MRTFA: variants seen among roughly 807,000 people sequenced by gnomAD.
MRTFA encodes the protein myocardin related transcription factor A.
Under a neutral mutation model 83.5 loss-of-function variants are expected in MRTFA, and 20 were observed. That is an observed-to-expected ratio of 0.24 (90% CI 0.17 to 0.35). The LOEUF (loss-of-function observed/expected upper bound fraction) is 0.35. Among genes scored for constraint, MRTFA ranks in the 10% least tolerant of loss-of-function variants. MRTFA has a pLI of 1.00. For missense variants in MRTFA, 1,200 were observed against 1,224.7 expected, an observed-to-expected ratio of 0.98 and a Z score of 0.30; for synonymous variants, 659 against 541.2, an observed-to-expected ratio of 1.22 and a Z score of -3.02.
chr22:40,461,662 T>C (rs950850014), intron 4 of MRTFA, among the ~76,000 whole-genome samples: 4 of 149,134 alleles, frequency 2.7e-5, no homozygotes, highest in Non-Finnish European at 5.9e-5. Context: ...AGCCAGGCGC[T>C]GTGGTGGGCA....
intron 4 of MRTFA, among the ~76,000 whole-genome samples, chr22:40,457,832 A>C (rs2053624705): frequency 6.6e-6 from 1 of 152,354 alleles, no homozygotes; most frequent in Non-Finnish European, 1.5e-5. Context: ...CTGACAAGAG[A>C]CAAACAAGCT....
intron 4 of MRTFA, among the ~76,000 whole-genome samples, chr22:40,437,877 T>G (rs1320746752): frequency 1.3e-5 from 2 of 152,188 alleles, no homozygotes; most frequent in Non-Finnish European, 2.9e-5. Flanking sequence ...TGTCTATTTT[T>G]TTAGTCACTC....
At chr22:40,441,984 G>A (rs980573436) in intron 4 of MRTFA, among the ~76,000 whole-genome samples, 17 of 152,152 alleles carry the variant, frequency 1.1e-4, no homozygotes, top group African/African-American at 3.6e-4. Flanking sequence ...TGGCACTGAA[G>A]AGTAAGTATG....
At chr22:40,596,303 G>A (rs762535901) in intron 1 of MRTFA, among the ~76,000 whole-genome samples, 1 of 152,146 alleles carries the variant, frequency 6.6e-6, no homozygotes, top group Non-Finnish European at 1.5e-5. Context: ...TTAGAGGTTT[G>A]ACTGTTATCA....
chr22:40,503,162 A>G (rs890991538), intron 3 of MRTFA, among the ~76,000 whole-genome samples: 6 of 152,240 alleles, frequency 3.9e-5, no homozygotes, highest in African/African-American at 1.4e-4. Flanking sequence ...TCTTCACTTT[A>G]GATGCAGAAC....
chr22:40,613,342 G>A, intron 1 of MRTFA, among the ~76,000 whole-genome samples: 1 of 152,008 alleles, frequency 6.6e-6, no homozygotes, highest in East Asian at 1.9e-4. Flanking sequence ...CATTTCTCTT[G>A]GGTAACAAAC....
intron 3 of MRTFA, among the ~76,000 whole-genome samples, chr22:40,483,497 A>G (rs1451528598): frequency 6.6e-6 from 1 of 151,536 alleles, no homozygotes; most frequent in Non-Finnish European, 1.5e-5. Context: ...CAACCTGGCT[A>G]ACATGGTGAA....
intron 3 of MRTFA, among the ~76,000 whole-genome samples, chr22:40,518,417 T>C (rs1464574494): frequency 7.7e-6 from 1 of 129,834 alleles, no homozygotes; most frequent in Non-Finnish European, 1.7e-5. Flanking sequence ...GAATTGGTTG[T>C]TGGTGAGGGA....
chr22:40,448,997 G>A (rs1458165073), intron 4 of MRTFA, among the ~76,000 whole-genome samples: 3 of 152,166 alleles, frequency 2.0e-5, no homozygotes, highest in Admixed American at 6.5e-5. Context: ...CGGGCGCAGT[G>A]GCTCACGCCT....
intron 2 of MRTFA, among the ~76,000 whole-genome samples, chr22:40,553,265 G>T (rs1210467007): frequency 6.6e-6 from 1 of 152,214 alleles, no homozygotes; most frequent in Non-Finnish European, 1.5e-5. Context: ...GCCACCTGCA[G>T]AAATTTGCAT....
chr22:40,468,579 GA>G (rs2053848975), intron 3 of MRTFA, among the ~76,000 whole-genome samples: 3 of 152,162 alleles, frequency 2.0e-5, no homozygotes, highest in African/African-American at 7.2e-5. Flanking sequence ...TTTTTCTCAT[GA>G]AACTTCTAAT....
At chr22:40,449,288 A>G (rs913624168) in intron 4 of MRTFA, among the ~76,000 whole-genome samples, 1 of 151,160 alleles carries the variant, frequency 6.6e-6, no homozygotes, top group Non-Finnish European at 1.5e-5. Flanking sequence ...AAAAAAAAAA[A>G]AAAGAAAAGA....
At chr22:40,500,348 ATTT>A (rs67459262) in intron 3 of MRTFA, among the ~76,000 whole-genome samples, 3 of 139,110 alleles carry the variant, frequency 2.2e-5, no homozygotes, top group East Asian at 4.1e-4. Flanking sequence ...TATTTTTTTT[ATTT>A]TTTTTTTAAC....
At chr22:40,439,759 C>T (rs2060063073) in intron 4 of MRTFA, among the ~76,000 whole-genome samples, 1 of 152,146 alleles carries the variant, frequency 6.6e-6, no homozygotes, top group Admixed American at 6.5e-5. Context: ...ACCTGGAGCT[C>T]ACCACGTAAC....
At chr22:40,503,007 C>T (rs912871422) in intron 3 of MRTFA, among the ~76,000 whole-genome samples, 1 of 152,178 alleles carries the variant, frequency 6.6e-6, no homozygotes, top group Admixed American at 6.5e-5. Flanking sequence ...TACACCCACA[C>T]ACCCTCATCT....
intron 3 of MRTFA, among the ~76,000 whole-genome samples, chr22:40,539,254 C>A (rs2055245617): frequency 6.6e-6 from 1 of 151,946 alleles, no homozygotes; most frequent in Admixed American, 6.6e-5. Flanking sequence ...CCAGCCTTGG[C>A]CTCCCAACGT....
chr22:40,491,343 A>T (rs2054268763), intron 3 of MRTFA, among the ~76,000 whole-genome samples: 1 of 148,496 alleles, frequency 6.7e-6, no homozygotes, highest in Non-Finnish European at 1.5e-5. Context: ...AACCTGTCTT[A>T]AAAAAAAAAC....
chr22:40,557,830 G>C (rs940725974), intron 2 of MRTFA, among the ~76,000 whole-genome samples: 1 of 152,072 alleles, frequency 6.6e-6, no homozygotes, highest in Non-Finnish European at 1.5e-5. Context: ...CTGGAGTGCA[G>C]TGGCAAGTTC....
chr22:40,431,443 G>A lies in MRTFA; in HGVS notation c.401C>T (p.Pro134Leu). ...CATCCTGACCAGCTCCGATCTCTCC[G>A]GCCGGGAACGAATCTTCCGTTTGAG... Residue 134 changes from proline to leucine, a missense_variant, in exon 6 of 15, where the codon CCG (proline) becomes CTG (leucine). This residue lies in a region of MRTFA where 93 missense variants were observed against 182.9 expected (regional missense o/e 0.51). Transcript: ENST00000355630. 3 of 1,614,060 alleles carry A rather than the reference G, an allele frequency of 1.9e-6. No individual in the cohort carries two copies. The highest frequency in any genetic ancestry group is 1.1e-5 in the South Asian group (1 of 91,086).
Sources: gnomAD v4.1 joint callset for allele counts (sites outside exome capture counted in the v4.1 genomes callset) on GRCh38, gnomAD v4.1.1 for gene constraint, gnomAD v4.1.1 regional missense constraint, MANE v1.5 for transcripts, NCBI Gene and HGNC (gene_info 2026-07-23, HGNC 2026-07-21) for gene names.